Variants in TBC1D5 observed in about 807,000 individuals in gnomAD.
TBC1D5 encodes the protein TBC1 domain family member 5.
TBC1D5 carries 75 observed loss-of-function variants against 100.3 expected under a neutral mutation model. The ratio of observed to expected loss-of-function variants is 0.75; its 90% CI spans 0.62 to 0.91. TBC1D5 has a LOEUF of 0.91. TBC1D5 is among the 40% of genes least tolerant of loss of function. The pLI, the probability that TBC1D5 is intolerant of heterozygous loss-of-function variation, is 0.00. For missense variants in TBC1D5, 910 were observed against 942.4 expected (o/e 0.97, Z 0.45); for synonymous variants, 323 against 325.6 (o/e 0.99, Z 0.09).
intron 2 of TBC1D5, among the ~76,000 whole-genome samples, chr3:17,600,059 A>G (rs1170065200): frequency 6.6e-6 from 1 of 152,216 alleles, no homozygotes; most frequent in Non-Finnish European, 1.5e-5. Context: ...ACTAAACTGA[A>G]GCTGAGAAAA....
chr3:17,688,557 T>C (rs1281519372), intron 1 of TBC1D5, among the ~76,000 whole-genome samples: 1 of 152,232 alleles, frequency 6.6e-6, no homozygotes, highest in African/African-American at 2.4e-5. Flanking sequence ...GCATGGAGCA[T>C]CTACATCTGA....
chr3:17,618,321 C>G (rs2062357127), intron 2 of TBC1D5, among the ~76,000 whole-genome samples: 1 of 152,190 alleles, frequency 6.6e-6, no homozygotes, highest in South Asian at 2.1e-4. Context: ...TCGGCCCATA[C>G]TGGGAGATGT....
chr3:17,518,381 C>T (rs995285295), intron 2 of TBC1D5, among the ~76,000 whole-genome samples: 2 of 152,110 alleles, frequency 1.3e-5, no homozygotes, highest in Non-Finnish European at 2.9e-5. Context: ...CAGAGGACTA[C>T]GACTGAACAT....
At chr3:17,724,254 G>A (rs766253237) in intron 1 of TBC1D5, among the ~76,000 whole-genome samples, 1 of 151,774 alleles carries the variant, frequency 6.6e-6, no homozygotes, top group Non-Finnish European at 1.5e-5. Flanking sequence ...CACCATGCTC[G>A]TCTAATTTTT....
chr3:17,645,377 C>T (rs2064923832), intron 1 of TBC1D5, among the ~76,000 whole-genome samples: 1 of 152,046 alleles, frequency 6.6e-6, no homozygotes, highest in Non-Finnish European at 1.5e-5. Flanking sequence ...TAAAGGAAGT[C>T]TACTGTATAA....
At chr3:17,571,210 C>T (rs541687615) in intron 2 of TBC1D5, among the ~76,000 whole-genome samples, 3 of 152,124 alleles carry the variant, frequency 2.0e-5, no homozygotes, top group African/African-American at 4.8e-5. Flanking sequence ...GACTCTGAAA[C>T]TTAACTTTAC....
chr3:17,181,651 C>T (rs1017976567), intron 19 of TBC1D5, among the ~76,000 whole-genome samples: 1 of 152,170 alleles, frequency 6.6e-6, no homozygotes, highest in Non-Finnish European at 1.5e-5. Context: ...CTGCCTGCTA[C>T]GTATACAGGT....
intron 1 of TBC1D5, among the ~76,000 whole-genome samples, chr3:17,701,276 C>G (rs994250222): frequency 5.3e-5 from 8 of 151,848 alleles, no homozygotes; most frequent in African/African-American, 1.9e-4. Flanking sequence ...GGGACCTGAA[C>G]GAGATCACTT....
At chr3:17,550,610 G>A (rs1465490092) in intron 2 of TBC1D5, among the ~76,000 whole-genome samples, 2 of 150,164 alleles carry the variant, frequency 1.3e-5, no homozygotes, top group Non-Finnish European at 3.0e-5. Flanking sequence ...AAGGTAAGAA[G>A]CACTCTAATC....
chr3:17,446,528 T>C (rs1236070835), intron 3 of TBC1D5, among the ~76,000 whole-genome samples: 1 of 151,646 alleles, frequency 6.6e-6, no homozygotes, highest in African/African-American at 2.4e-5. Flanking sequence ...ACAAGCTGAG[T>C]CAGAACTTTT....
intron 1 of TBC1D5, among the ~76,000 whole-genome samples, chr3:17,686,108 A>G (rs534559816): frequency 1.1e-4 from 16 of 152,132 alleles, no homozygotes; most frequent in Non-Finnish European, 1.9e-4. Context: ...AAAGACAAAA[A>G]CTTCAAAGGA....
chr3:17,624,686 A>C (rs1033956021), intron 1 of TBC1D5, among the ~76,000 whole-genome samples: 4 of 152,130 alleles, frequency 2.6e-5, no homozygotes, highest in African/African-American at 9.7e-5. Flanking sequence ...GACTTTTCCT[A>C]CTACTCTACA....
intron 18 of TBC1D5, among the ~76,000 whole-genome samples, chr3:17,202,331 T>C (rs2071566149): frequency 6.6e-6 from 1 of 152,176 alleles, no homozygotes; most frequent in Non-Finnish European, 1.5e-5. Flanking sequence ...TCTAACAGCA[T>C]ATGGTCATAG....
intron 1 of TBC1D5, among the ~76,000 whole-genome samples, chr3:17,737,169 T>C (rs1042268166): frequency 3.1e-4 from 47 of 152,098 alleles, no homozygotes; most frequent in Non-Finnish European, 4.4e-5. Context: ...GGGAGCCGTT[T>C]TTCTCTGATG....
At chr3:17,718,706 C>T (rs1156402300) in intron 1 of TBC1D5, among the ~76,000 whole-genome samples, 1 of 152,142 alleles carries the variant, frequency 6.6e-6, no homozygotes, top group Non-Finnish European at 1.5e-5. Context: ...ATTTTCAGAA[C>T]TTTCATCATT....
chr3:17,601,274 G>C (rs759354284), intron 2 of TBC1D5, among the ~76,000 whole-genome samples: 19 of 152,238 alleles, frequency 1.2e-4, no homozygotes, highest in Non-Finnish European at 1.5e-4. Context: ...ACTTTGGGAG[G>C]CCCAGGCGGG....
At chr3:17,559,082 T>TTAAATAAA (rs10575585) in intron 2 of TBC1D5, among the ~76,000 whole-genome samples, 3,701 of 149,836 alleles carry the variant, frequency 0.025, 84 homozygotes, top group African/African-American at 0.054. Context: ...TCTCTTTCTC[T>TTAAATAAA]TAAATAAATA....
intron 2 of TBC1D5, among the ~76,000 whole-genome samples, chr3:17,556,552 A>G (rs1039921439): frequency 6.6e-6 from 1 of 152,180 alleles, no homozygotes; most frequent in Admixed American, 6.5e-5. Flanking sequence ...CTCCAAGAGC[A>G]TAAGGTTTGA....
chr3:17,240,824 C>T (rs1031873858), intron 16 of TBC1D5, among the ~76,000 whole-genome samples: 10 of 151,986 alleles, frequency 6.6e-5, no homozygotes, highest in African/African-American at 2.2e-4. Context: ...CCCACATTGC[C>T]GGTTGTAAAA....
Sources: allele counts gnomAD v4.1 joint callset (sites outside exome capture counted in the v4.1 genomes callset), GRCh38; gene constraint gnomAD v4.1.1; transcripts MANE v1.5; gene names NCBI Gene and HGNC (gene_info 2026-07-23, HGNC 2026-07-21).